Variants in ARGLU1 observed in about 807,000 individuals in gnomAD.
ARGLU1 encodes arginine and glutamate rich 1, also known as arginine and glutamate-rich protein 1.
In ARGLU1, 9 loss-of-function variants were observed where a neutral mutation model predicts 37.6. The ratio of observed to expected loss-of-function variants is 0.24; its 90% CI spans 0.14 to 0.42. ARGLU1 has a LOEUF of 0.42. Among genes scored for constraint, ARGLU1 ranks in the 10% least tolerant of loss-of-function variants. The pLI is 1.00. For missense variants in ARGLU1, 211 were observed against 359.2 expected (o/e 0.59, Z 3.34); for synonymous variants, 166 against 138.5 (o/e 1.20, Z -1.39).
rs116511299 is a variant in ARGLU1, at chr13:106,543,915, A to C, written c.*81T>G. The stretch of plus-strand genomic sequence containing the variant: ...TTTTACAAATTAAAAAAACAAAAAC[A>C]AAAACAAAAAACCACTTCAACATGA... On this transcript the variant is annotated 3_prime_UTR_variant, in exon 4 of 4. Coordinates refer to ENST00000400198, the MANE Select transcript of ARGLU1 (RefSeq NM_018011.4). The C allele has an allele frequency of 5.5e-4, 783 of 1,419,224 alleles. 3 individuals are homozygous for C. In the African/African-American group the frequency reaches 9.1e-3, roughly 17 times the overall value. 87.9% of individuals were successfully genotyped at this position (1,419,224 alleles called of 1,614,324 possible). A position where few individuals can be genotyped will look rare whatever the true frequency, so the allele number is the denominator to read the frequency against.
Position 106,541,952 on chromosome 13 carries a change from G to C in ARGLU1, c.*2044C>G, listed in dbSNP as rs1202181150. 6.6e-6 allele frequency: 1 copy of C among 152,026 alleles called. No individual in the cohort carries two copies. Among genetic ancestry groups the C allele is most frequent in the Non-Finnish European group, 1.5e-5 (1 of 67,988 alleles). 9.4% of individuals were successfully genotyped at this position (152,026 alleles called of 1,614,324 possible). A position where few individuals can be genotyped will look rare whatever the true frequency, so the allele number is the denominator to read the frequency against. Reference sequence around the variant, plus strand: ...CATTGTTGCAGCACATTAAAGACTGGATGGTGTATATTATTCACAATTACA... The same window carrying C: ...CATTGTTGCAGCACATTAAAGACTGCATGGTGTATATTATTCACAATTACA... On this transcript the variant is annotated 3_prime_UTR_variant, in exon 4 of 4. Transcript: ENST00000400198.
chr13:106,548,935 T>G (rs558500592), intron 3 of ARGLU1, among the ~76,000 whole-genome samples: 1 of 152,148 alleles, frequency 6.6e-6, no homozygotes, highest in Non-Finnish European at 1.5e-5. Flanking sequence ...AGTATTTTAG[T>G]AGAGACGGAG....
At chr13:106,559,144 T>C in intron 2 of ARGLU1, 2 of 1,344,624 alleles carry the variant, frequency 1.5e-6, no homozygotes, top group South Asian at 2.7e-5. Context: ...CAAAAAAGAA[T>C]GTAAGTCCTG....
rs796175777 is a variant in ARGLU1 at position 106,558,121 on chromosome 13, T to TAA, written c.574-992_574-991dup. The TAA allele has an allele frequency of 2.1e-5, 20 of 943,186 alleles. No homozygotes were observed. The African/African-American group carries it at 2.7e-4, about 13-fold the overall frequency. 58.4% of individuals were successfully genotyped at this position (943,186 alleles called of 1,614,324 possible). A position where few individuals can be genotyped will look rare whatever the true frequency, so the allele number is the denominator to read the frequency against. On this transcript the variant is annotated intron_variant, in intron 2 of 3. Transcript: ENST00000400198. ...AGACTGTCAGAGGGTTGTGTCCGTGTAAAAAAAAAATTGTTAATATGAAAC... is the reference window on the plus strand; with the variant it reads ...AGACTGTCAGAGGGTTGTGTCCGTGTAAAAAAAAAAAATTGTTAATATGAAAC...
At chr13:106,549,394 T>C (rs1880476664) in intron 3 of ARGLU1, among the ~76,000 whole-genome samples, 1 of 152,200 alleles carries the variant, frequency 6.6e-6, no homozygotes, top group African/African-American at 2.4e-5. Flanking sequence ...CCTTTATTCA[T>C]CTTCCCTTCC....
Position 106,557,734 on chromosome 13 carries a change from G to A in ARGLU1, c.574-603C>T. The A allele has an allele frequency of 1.2e-5, 16 of 1,347,162 alleles. No homozygotes were observed. In the South Asian group the frequency reaches 1.2e-4, roughly 10 times the overall value. The allele number at this position is 1,347,162 out of a possible 1,614,324, so 83.5% of individuals were successfully genotyped here. Reference sequence around the variant, plus strand: ...GGAATGCAGATGTTTATGGTAAGAAGGAACAAAAAATGTAATTCATCATTC... The same window carrying A: ...GGAATGCAGATGTTTATGGTAAGAAAGAACAAAAAATGTAATTCATCATTC... On this transcript the variant is annotated intron_variant, in intron 2 of 3. Transcript: ENST00000400198. This position sits in a 1 kb window ranked among gnomAD's most constrained non-coding sequence, Gnocchi z 5.0.
At chr13:106,552,811 A>G (rs1201613430) in intron 3 of ARGLU1, among the ~76,000 whole-genome samples, 1 of 152,230 alleles carries the variant, frequency 6.6e-6, no homozygotes, top group Non-Finnish European at 1.5e-5. Context: ...CAAAAAGCCA[A>G]GTCAAGTCAT....
intron 3 of ARGLU1, among the ~76,000 whole-genome samples, chr13:106,554,446 T>C (rs552996696): frequency 2.3e-4 from 35 of 152,074 alleles, no homozygotes; most frequent in Non-Finnish European, 3.7e-4. Context: ...GTGCTCAAAA[T>C]TGAGAGGAAG....
At position 106,568,024 on chromosome 13, in the gene ARGLU1, A is replaced by G; in HGVS notation, c.-105T>C. ...CTGGCGGTTCTACCGAGGCCGGAGGAAAGAAAGGTGTCGGCCAACGGACTT... is the reference window on the plus strand; with the variant it reads ...CTGGCGGTTCTACCGAGGCCGGAGGGAAGAAAGGTGTCGGCCAACGGACTT... On this transcript the variant is annotated 5_prime_UTR_variant, in exon 1 of 4. Transcript: ENST00000400198. 1 of 1,452,518 alleles carries G rather than the reference A, an allele frequency of 6.9e-7. No homozygotes were observed. Among genetic ancestry groups the G allele is most frequent in the Non-Finnish European group, 9.0e-7 (1 of 1,108,868 alleles). 90.0% of individuals were successfully genotyped at this position (1,452,518 alleles called of 1,614,324 possible). A position where few individuals can be genotyped will look rare whatever the true frequency, so the allele number is the denominator to read the frequency against.
At chr13:106,545,364 A>C (rs1355011653) in intron 3 of ARGLU1, among the ~76,000 whole-genome samples, 1 of 152,206 alleles carries the variant, frequency 6.6e-6, no homozygotes, top group Non-Finnish European at 1.5e-5. Context: ...TCCCATTCAA[A>C]GTCAAATTTT....
chr13:106,543,780 C>T lies in ARGLU1; in HGVS notation c.*216G>A. 2.2e-6 allele frequency: 1 copy of T among 461,506 alleles called. No homozygotes were observed. The highest frequency in any genetic ancestry group is 3.7e-6 in the Non-Finnish European group (1 of 267,906). 28.6% of individuals were successfully genotyped at this position (461,506 alleles called of 1,614,324 possible). ...CAAACAGGTGAAAAATACGTCACTCCTTAGAATACAACAATGATCTGATAA... is the reference window on the plus strand; with the variant it reads ...CAAACAGGTGAAAAATACGTCACTCTTTAGAATACAACAATGATCTGATAA... On this transcript the variant is annotated 3_prime_UTR_variant, in exon 4 of 4. Transcript: ENST00000400198.
chr13:106,565,355 A>G (rs1010229692), intron 1 of ARGLU1, among the ~76,000 whole-genome samples: 3 of 152,182 alleles, frequency 2.0e-5, no homozygotes, highest in African/African-American at 7.2e-5. Flanking sequence ...TGTGCTCCAC[A>G]TATGTCCTAT....
At chr13:106,559,249 T>C (rs1234759179) in intron 2 of ARGLU1, 183 bp downstream of exon 2, 18 of 1,531,716 alleles carry the variant, frequency 1.2e-5, no homozygotes, top group Admixed American at 3.9e-5. Flanking sequence ...TTCCAACTTT[T>C]AAGTTATCAG....
In ARGLU1 at chr13:106,557,891, G is replaced by A. The variant is rs1434814743; in HGVS notation, c.574-760C>T. On this transcript the variant is annotated intron_variant, in intron 2 of 3. Transcript: ENST00000400198. The surrounding 1 kb of genome is among the most constrained non-coding windows in gnomAD (Gnocchi z 5.0). ...TTAACATTCAGATGTTGACAATTTC[G>A]GAAGGCAGCTTATATTGTCATCTAC... 1.1e-5 allele frequency: 11 copies of A among 985,242 alleles called. No individual in the cohort carries two copies. The highest frequency in any genetic ancestry group is 1.1e-4 in the East Asian group (1 of 8,830). 61.0% of individuals were successfully genotyped at this position (985,242 alleles called of 1,614,324 possible). A position where few individuals can be genotyped will look rare whatever the true frequency, so the allele number is the denominator to read the frequency against.
At position 106,558,226 on chromosome 13, in the gene ARGLU1, CTTCA is replaced by C. The variant is rs1245358036; in HGVS notation, c.574-1099_574-1096del. 9.1e-6 allele frequency: 9 copies of C among 984,346 alleles called. No individual in the cohort carries two copies. The South Asian group carries it at 2.8e-4, about 31-fold the overall frequency. The allele number at this position is 984,346 out of a possible 1,614,324, so 61.0% of individuals were successfully genotyped here. On this transcript the variant is annotated intron_variant, in intron 2 of 3. Coordinates refer to ENST00000400198, the MANE Select transcript of ARGLU1 (RefSeq NM_018011.4). ...GACAGCACCATTACTCCAAAAATAT[CTTCA>C]TTATTAAAAGCACTGATATAAATAA...
chr13:106,566,511 T>G (rs916748225), intron 1 of ARGLU1, among the ~76,000 whole-genome samples: 5 of 152,206 alleles, frequency 3.3e-5, no homozygotes, highest in Admixed American at 3.3e-4. Flanking sequence ...AGGGAGTTAG[T>G]AGGACTGTTC....
At chr13:106,559,734 C>A in intron 1 of ARGLU1, 77 bp from the exon 2 acceptor site, 1 of 1,453,412 alleles carries the variant, frequency 6.9e-7, no homozygotes, top group Non-Finnish European at 9.3e-7. Flanking sequence ...AGTTTTAAGT[C>A]TATCAAGCCA....
intron 1 of ARGLU1, among the ~76,000 whole-genome samples, chr13:106,560,664 C>T (rs1248093240): frequency 6.6e-6 from 1 of 152,138 alleles, no homozygotes; most frequent in Non-Finnish European, 1.5e-5. Context: ...ATTGTTCATA[C>T]TATTTCTAGT....
Position 106,567,769 on chromosome 13 carries a change from G to A in ARGLU1, c.151C>T (p.Arg51Trp). 6.2e-7 allele frequency: 1 copy of A among 1,613,064 alleles called. No individual in the cohort carries two copies. Among genetic ancestry groups the A allele is most frequent in the Non-Finnish European group, 8.5e-7 (1 of 1,179,518 alleles). Residue 51 changes from arginine (R) to tryptophan (W), a missense_variant, in exon 1 of 4, where the codon CGG becomes TGG. By Grantham distance (101) the Arg-to-Trp change is moderately radical. Transcript: ENST00000400198. The surrounding 1 kb of genome is among the most constrained non-coding windows in gnomAD (Gnocchi z 4.3). Reference sequence around the variant, plus strand: ...CGCGAACGGGACCGCGACTCCCGCCGCCGGTTCCGTTTACTTTCCCGAGAT... The same window carrying A: ...CGCGAACGGGACCGCGACTCCCGCCACCGGTTCCGTTTACTTTCCCGAGAT... ...SKSRESKRNR[R>W]RESRSRSRST... is the part of the protein sequence containing the mutation.
Sources: allele counts gnomAD v4.1 joint callset (sites outside exome capture counted in the v4.1 genomes callset), GRCh38; gene constraint gnomAD v4.1.1; non-coding constraint Gnocchi (gnomAD v3.1); transcripts MANE v1.5; gene names NCBI Gene and HGNC (gene_info 2026-07-23, HGNC 2026-07-21).